RGS3: variants seen among roughly 807,000 people sequenced by gnomAD.
RGS3 encodes regulator of G-protein signalling 3.
A neutral mutation model predicts 132.6 loss-of-function variants in RGS3; 80 were observed. The ratio of observed to expected loss-of-function variants is 0.60; its 90% CI spans 0.50 to 0.73. The LOEUF (loss-of-function observed/expected upper bound fraction) is 0.73, where lower values mean the gene tolerates loss of function less well. Among genes scored for constraint, RGS3 ranks in the 30% least tolerant of loss-of-function variants. The probability of loss-of-function intolerance (pLI) is 0.00; values close to 1 mark genes in which losing one functional copy is unlikely to be tolerated. For synonymous variants in RGS3, 598 were observed against 620.6 expected, an observed-to-expected ratio of 0.96 and a Z score of 0.54; for missense variants, 1,382 against 1,530.8, an observed-to-expected ratio of 0.90 and a Z score of 1.62.
chr9:113,461,312 CT>C (rs1268091401), intron 1 of RGS3, among the ~76,000 whole-genome samples: 2 of 152,132 alleles, frequency 1.3e-5, no homozygotes, highest in African/African-American at 4.8e-5. Flanking sequence ...ACTCTCCTGC[CT>C]TCTTGGGGAA....
rs1835407070 is a variant in RGS3 at position 113,591,262 on chromosome 9, C to T, written c.3016-71C>T. 1.4e-6 allele frequency: 2 copies of T among 1,400,662 alleles called. No individual in the cohort carries two copies. Among genetic ancestry groups the T allele is most frequent in the Non-Finnish European group, 2.0e-6 (2 of 992,866 alleles). The allele number at this position is 1,400,662 out of a possible 1,614,324, so 86.8% of individuals were successfully genotyped here. A position where few individuals can be genotyped will look rare whatever the true frequency, so the allele number is the denominator to read the frequency against. ...GCTGGTGGCAGGGAATGTTGGGTCT[C>T]TGAGCCTCTGTTTACTTAGGCAGGA... On this transcript the variant is annotated intron_variant, in intron 20 of 24. Coordinates refer to ENST00000350696, the Ensembl canonical transcript of RGS3. This position sits in a 1 kb window ranked among gnomAD's most constrained non-coding sequence, Gnocchi z 4.4.
chr9:113,584,329 A>G, exon 20 of RGS3: 3 of 1,599,730 alleles, frequency 1.9e-6, no homozygotes, highest in Non-Finnish European at 2.6e-6. Flanking sequence ...CGCCGCCTCC[A>G]CCTGGGGCAT....
intron 19 of RGS3, among the ~76,000 whole-genome samples, chr9:113,558,991 G>A (rs1478487043): frequency 1.3e-5 from 2 of 152,228 alleles, no homozygotes; most frequent in East Asian, 3.8e-4. Context: ...GAGGTGGTGG[G>A]GGGGATTGGC....
intron 19 of RGS3, among the ~76,000 whole-genome samples, chr9:113,552,478 G>A (rs555982202): frequency 2.6e-5 from 4 of 152,168 alleles, no homozygotes; most frequent in Non-Finnish European, 2.9e-5. Flanking sequence ...CACCACGCCC[G>A]GCTAATTTTT....
Position 113,591,195 on chromosome 9 carries a change from C to T in RGS3, c.3016-138C>T, listed in dbSNP as rs942435735. 4.2e-6 allele frequency: 3 copies of T among 715,858 alleles called. No homozygotes were observed. Among genetic ancestry groups the T allele is most frequent in the African/African-American group, 1.8e-5 (1 of 56,850 alleles). The allele number at this position is 715,858 out of a possible 1,614,324, so 44.3% of individuals were successfully genotyped here. On this transcript the variant is annotated intron_variant, in intron 20 of 24. Coordinates refer to ENST00000350696, the Ensembl canonical transcript of RGS3. This position sits in a 1 kb window ranked among gnomAD's most constrained non-coding sequence, Gnocchi z 4.4. ...GTTCCCAGCAGTGGGGTTTCCCTCC[C>T]TCACCTGTGTGCCGCGGGTGGGGGC...
intron 19 of RGS3, chr9:113,580,749 C>T (rs1834755871): frequency 1.0e-6 from 1 of 974,940 alleles, no homozygotes; most frequent in African/African-American, 1.8e-5. Flanking sequence ...TTGGTTTGGC[C>T]TCGATTTAGA....
intron 19 of RGS3, chr9:113,541,995 G>A: frequency 5.7e-6 from 2 of 353,508 alleles, no homozygotes; most frequent in Non-Finnish European, 7.9e-6. Flanking sequence ...GGGAGTGAGC[G>A]TTAAATAAGT....
chr9:113,481,552 C>T (rs1206413130), intron 4 of RGS3, among the ~76,000 whole-genome samples: 2 of 152,262 alleles, frequency 1.3e-5, no homozygotes, highest in Non-Finnish European at 2.9e-5. Context: ...CAGGGCCTGA[C>T]TCCAGCTGTG....
At chr9:113,526,923 C>A (rs1267796570) in intron 17 of RGS3, among the ~76,000 whole-genome samples, 1 of 152,238 alleles carries the variant, frequency 6.6e-6, no homozygotes, top group Non-Finnish European at 1.5e-5. Context: ...CAGAATTTCT[C>A]TCCTGGGTCA....
intron 24 of RGS3, 49 bp from the exon 23 acceptor site, chr9:113,596,719 G>T: frequency 2.0e-6 from 3 of 1,537,304 alleles, no homozygotes; most frequent in Non-Finnish European, 1.8e-6. Flanking sequence ...GGGCCCTAGG[G>T]TCAGTCCCCA....
At chr9:113,484,797 G>A (rs117676908) in intron 6 of RGS3, among the ~76,000 whole-genome samples, 2,430 of 152,226 alleles carry the variant, frequency 0.016, 32 homozygotes, top group Non-Finnish European at 0.026. Flanking sequence ...CAATGGGAAG[G>A]TAATGTACAT....
rs200633658 is a variant in RGS3 at position 113,507,450 on chromosome 9, C to A, written c.1249C>A (p.Arg417=). The change falls in exon 13 of 25, where the codon CGG becomes AGG. Residue 417 remains arginine, a synonymous_variant. Coordinates refer to ENST00000350696, the Ensembl canonical transcript of RGS3. This position sits in a 1 kb window ranked among gnomAD's most constrained non-coding sequence, Gnocchi z 5.0. Reference sequence around the variant, plus strand: ...GAACTGCACCCATGGGGTCCAGGCACGGCCTGAGCAGCGCCACAGCTGCCA... The same window carrying A: ...GAACTGCACCCATGGGGTCCAGGCAAGGCCTGAGCAGCGCCACAGCTGCCA... 29 of 1,613,744 alleles carry A rather than the reference C, an allele frequency of 1.8e-5. No individual in the cohort carries two copies. Among genetic ancestry groups the A allele is most frequent in the Non-Finnish European group, 2.4e-5 (28 of 1,180,034 alleles).
intron 19 of RGS3, among the ~76,000 whole-genome samples, chr9:113,561,950 G>C (rs567386314): frequency 1.3e-5 from 2 of 152,310 alleles, no homozygotes; most frequent in South Asian, 4.1e-4. Context: ...GCTGGTCCTA[G>C]CCCTGGGAGC....
At chr9:113,453,177 A>G (rs1237950166) in intron 1 of RGS3, among the ~76,000 whole-genome samples, 1 of 129,646 alleles carries the variant, frequency 7.7e-6, no homozygotes, top group African/African-American at 2.8e-5. Context: ...ATTATATAAT[A>G]TACTCATTAT....
chr9:113,485,282 G>A (rs1295463191), intron 6 of RGS3, among the ~76,000 whole-genome samples: 2 of 152,030 alleles, frequency 1.3e-5, no homozygotes, highest in Non-Finnish European at 2.9e-5. Context: ...GTAGAGACGG[G>A]GTTTCACCGT....
At chr9:113,508,573 C>A in exon 14 of RGS3, 1 of 1,612,356 alleles carries the variant, frequency 6.2e-7, no homozygotes, top group Non-Finnish European at 8.5e-7. Flanking sequence ...AGGATACCAT[C>A]CCCGAAGGTG....
chr9:113,529,926 T>TTAAGGCTGGGG (rs1832393819), intron 18 of RGS3, among the ~76,000 whole-genome samples: 1 of 152,234 alleles, frequency 6.6e-6, no homozygotes, highest in Non-Finnish European at 1.5e-5. Context: ...TAAAATATCA[T>TTAAGGCTGGGG]TAAGGCTGGG....
rs781615997 is a variant in RGS3, at chr9:113,596,818, C to T, written c.3462C>T (p.Ser1154=). ...AGCACACCAAGGACAACCTGCAGAG[C>T]GTCACGCGGGGCTGCTTCGACCTGG... Residue 1154 remains serine, a synonymous_variant, in exon 25 of 25, where the codon AGC becomes AGT. Coordinates refer to ENST00000350696, the Ensembl canonical transcript of RGS3. 6.6e-5 allele frequency: 106 copies of T among 1,613,442 alleles called. 2 individuals carry two copies. In the South Asian group the frequency reaches 7.6e-4, roughly 12 times the overall value.
chr9:113,472,419 C>A (rs1014087879), intron 3 of RGS3, among the ~76,000 whole-genome samples: 8 of 152,166 alleles, frequency 5.3e-5, no homozygotes, highest in Admixed American at 3.3e-4. Context: ...TATATCCATA[C>A]AATGGAATAT....
Sources: allele counts gnomAD v4.1 joint callset (sites outside exome capture counted in the v4.1 genomes callset), GRCh38; gene constraint gnomAD v4.1.1; non-coding constraint Gnocchi (gnomAD v3.1); transcripts MANE v1.5; gene names NCBI Gene and HGNC (gene_info 2026-07-23, HGNC 2026-07-21).